The following KAZN variants were observed in gnomAD, a reference collection of about 807,000 sequenced individuals.
KAZN encodes the protein kazrin, periplakin interacting protein.
KAZN carries 40 observed loss-of-function variants against 87.4 expected under a neutral mutation model. That is an observed-to-expected ratio of 0.46 (90% confidence interval 0.36 to 0.60). The LOEUF is 0.60. KAZN is among the 20% of genes least tolerant of loss of function. The pLI, the probability that KAZN is intolerant of heterozygous loss-of-function variation, is 0.00. For missense variants in KAZN, 898 were observed against 1,073.9 expected, an observed-to-expected ratio of 0.84 and a Z score of 2.29; for synonymous variants, 466 against 458.3, an observed-to-expected ratio of 1.02 and a Z score of -0.22.
intron 2 of KAZN, among the ~76,000 whole-genome samples, chr1:14,212,481 A>AG (rs1353972085): frequency 6.7e-6 from 1 of 149,742 alleles, no homozygotes; most frequent in East Asian, 1.9e-4. Flanking sequence ...ATTATAAGCC[A>AG]GAAAAAAAAA....
At chr1:14,032,228 T>C (rs1332995468) in intron 1 of KAZN, among the ~76,000 whole-genome samples, 1 of 152,240 alleles carries the variant, frequency 6.6e-6, no homozygotes, top group East Asian at 1.9e-4. Flanking sequence ...TTGCTTTGTG[T>C]TAGACACTGT....
chr1:14,237,208 T>C (rs565381611), intron 2 of KAZN, among the ~76,000 whole-genome samples: 25 of 152,176 alleles, frequency 1.6e-4, no homozygotes, highest in Non-Finnish European at 3.4e-4. Flanking sequence ...GTTGCTCTTA[T>C]TCTTAACGTG....
rs77488750 is a variant in KAZN, at chr1:14,517,256, G to A, written c.250-81727G>A. Among the ~76,000 whole-genome samples the A allele has an allele frequency of 2.9e-4, 44 of 152,182 alleles. 1 individual carries two copies. In the East Asian group the frequency reaches 7.3e-3, roughly 25 times the overall value. On this transcript the variant is annotated intron_variant, in intron 2 of 16. Transcript: ENST00000636203. ...TTTTTCTGTGGGAATCGTGAAGCTC[G>A]TAGAATGTAAGCAAGTTGCTGCTGA...
intron 2 of KAZN, among the ~76,000 whole-genome samples, chr1:14,406,827 AACACAC>A (rs1663891646): frequency 6.6e-6 from 1 of 152,192 alleles, no homozygotes; most frequent in Non-Finnish European, 1.5e-5. Context: ...AAAATTAACC[AACACAC>A]TCACACTCTT....
intron 1 of KAZN, among the ~76,000 whole-genome samples, chr1:14,821,343 G>A (rs1274625054): frequency 1.3e-5 from 2 of 151,962 alleles, no homozygotes; most frequent in African/African-American, 4.8e-5. Flanking sequence ...GTGAAACCCT[G>A]TCTCTACTAA....
chr1:14,743,350 A>G (rs1472667171), intron 1 of KAZN, among the ~76,000 whole-genome samples: 1 of 152,018 alleles, frequency 6.6e-6, no homozygotes, highest in African/African-American at 2.4e-5. Context: ...GAATCACTTG[A>G]ACCTGGGAGG....
intron 1 of KAZN, among the ~76,000 whole-genome samples, chr1:14,169,491 C>T (rs1225478399): frequency 6.6e-6 from 1 of 152,186 alleles, no homozygotes; most frequent in Non-Finnish European, 1.5e-5. Context: ...GGTGCCCAAT[C>T]AACTGGAGTG....
At chr1:14,447,191 A>C (rs1667027760) in intron 2 of KAZN, among the ~76,000 whole-genome samples, 1 of 148,002 alleles carries the variant, frequency 6.8e-6, no homozygotes, top group African/African-American at 2.5e-5. Context: ...CTCCCTTGGA[A>C]CATGGCGTTT....
At position 14,621,769 on chromosome 1, in the gene KAZN, A is replaced by G. The variant is rs192096124; in HGVS notation, c.226+22546A>G. On this transcript the variant is annotated intron_variant, in intron 1 of 14. Transcript: ENST00000376030. The stretch of plus-strand genomic sequence containing the variant: ...CAAACTCTGTTGTTTGCCGCCATGT[A>G]AGATGTGACTTTGCGCCTCCTTGCC... Among the ~76,000 whole-genome samples the G allele has an allele frequency of 7.2e-5, 11 of 152,362 alleles. No individual in the cohort carries two copies. In the East Asian group the frequency reaches 1.5e-3, roughly 21 times the overall value.
At chr1:14,480,620 AAT>A (rs926767479) in intron 2 of KAZN, among the ~76,000 whole-genome samples, 115 of 130,672 alleles carry the variant, frequency 8.8e-4, no homozygotes, top group African/African-American at 3.0e-3. Flanking sequence ...AATGTATAAA[AAT>A]ATATGTATAT....
At chr1:14,793,387 G>T (rs1173546932) in intron 1 of KAZN, among the ~76,000 whole-genome samples, 2 of 152,166 alleles carry the variant, frequency 1.3e-5, no homozygotes, top group Non-Finnish European at 2.9e-5. Context: ...GACTTCTGCA[G>T]CGCCTACTCC....
At chr1:14,626,573 C>T in intron 1 of KAZN, among the ~76,000 whole-genome samples, 1 of 152,144 alleles carries the variant, frequency 6.6e-6, no homozygotes, top group South Asian at 2.1e-4. Flanking sequence ...CTTCCAGCCT[C>T]TCGTCCACTT....
In KAZN at chr1:14,871,721, T is replaced by C. The variant is rs114946021; in HGVS notation, c.227-88963T>C. On this transcript the variant is annotated intron_variant, in intron 1 of 14. Coordinates refer to ENST00000376030, the MANE Select transcript of KAZN (RefSeq NM_201628.3). Reference sequence around the variant, plus strand: ...GTGTCTTGATGCTGTGTGGTGTTAATTCTTTGACTGCATTCATTCACCAAG... The same window carrying C: ...GTGTCTTGATGCTGTGTGGTGTTAACTCTTTGACTGCATTCATTCACCAAG... Among the ~76,000 whole-genome samples, 236 of 150,364 alleles carry C rather than the reference T, an allele frequency of 1.6e-3. 1 individual carries two copies. The highest frequency in any genetic ancestry group is 5.6e-3 in the African/African-American group (230 of 41,104).
chr1:15,004,236 A>C (rs1668782379), intron 2 of KAZN, among the ~76,000 whole-genome samples: 1 of 151,690 alleles, frequency 6.6e-6, no homozygotes, highest in South Asian at 2.1e-4. Flanking sequence ...AAACCATTGC[A>C]CTCCCCTGTC....
chr1:14,374,060 A>T (rs1485455519), intron 2 of KAZN, among the ~76,000 whole-genome samples: 1 of 152,194 alleles, frequency 6.6e-6, no homozygotes, highest in Non-Finnish European at 1.5e-5. Context: ...TAGTTGGAGG[A>T]GGTTGATAAT....
intron 1 of KAZN, among the ~76,000 whole-genome samples, chr1:14,615,669 T>G (rs1339341797): frequency 6.7e-6 from 1 of 149,784 alleles, no homozygotes. Context: ...CTCACTTCCA[T>G]GAGGGAAGTG....
chr1:14,909,411 C>T (rs570402743), intron 1 of KAZN, among the ~76,000 whole-genome samples: 30 of 152,282 alleles, frequency 2.0e-4, no homozygotes, highest in Admixed American at 9.2e-4. Context: ...CTGCAATCTC[C>T]GCCTCCGACA....
At chr1:13,932,471 G>A (rs1175769565) in intron 1 of KAZN, among the ~76,000 whole-genome samples, 3 of 151,810 alleles carry the variant, frequency 2.0e-5, no homozygotes, top group East Asian at 1.9e-4. Flanking sequence ...CGTTTTAGCC[G>A]GGATGGTCTT....
intron 2 of KAZN, among the ~76,000 whole-genome samples, chr1:14,252,775 G>A (rs185816589): frequency 7.2e-5 from 11 of 152,110 alleles, no homozygotes; most frequent in South Asian, 2.1e-4. Context: ...AAATCCCCAC[G>A]TCTCAAGGGC....
Sources: allele counts gnomAD v4.1 joint callset (sites outside exome capture counted in the v4.1 genomes callset), GRCh38; gene constraint gnomAD v4.1.1; transcripts MANE v1.5; gene names NCBI Gene and HGNC (gene_info 2026-07-23, HGNC 2026-07-21).